Variants in CCDC40 observed in about 807,000 individuals in gnomAD.
The protein encoded by CCDC40 is coiled-coil domain-containing protein 40.
Under a neutral mutation model 124.5 loss-of-function variants are expected in CCDC40, and 104 were observed. That is an observed-to-expected ratio of 0.84 (90% CI 0.71 to 0.98). The LOEUF (loss-of-function observed/expected upper bound fraction) is 0.98. Ranked by LOEUF, CCDC40 falls within the 50% of genes least tolerant of loss-of-function variation. CCDC40 has a pLI of 0.00. For synonymous variants in CCDC40, 580 were observed against 602.9 expected (o/e 0.96, Z 0.56); for missense variants, 1,463 against 1,503.9 (o/e 0.97, Z 0.45).
chr17:80,044,902 G>A (rs1457276865), intron 3 of CCDC40, among the ~76,000 whole-genome samples: 2 of 152,050 alleles, frequency 1.3e-5, no homozygotes, highest in Non-Finnish European at 2.9e-5. Context: ...GCCCCTGAGC[G>A]AGCCTTGCTT....
At chr17:80,054,125 T>C (rs2037677482) in intron 7 of CCDC40, among the ~76,000 whole-genome samples, 1 of 148,764 alleles carries the variant, frequency 6.7e-6, no homozygotes. Flanking sequence ...ATGAAATAAA[T>C]AAAAAATGAA....
intron 10 of CCDC40, among the ~76,000 whole-genome samples, chr17:80,077,599 A>G (rs2038340256): frequency 6.6e-6 from 1 of 152,238 alleles, no homozygotes; most frequent in African/African-American, 2.4e-5. Context: ...CCAGCAATTT[A>G]TGAGAGTCCC....
intron 17 of CCDC40, 144 bp downstream of exon 17, chr17:80,090,028 T>A: frequency 2.6e-6 from 4 of 1,538,708 alleles, no homozygotes; most frequent in Non-Finnish European, 3.5e-6. Flanking sequence ...TGGGTGAGAT[T>A]TCCAGGGAGC....
At chr17:80,094,736 C>T (rs1395517358) in intron 17 of CCDC40, among the ~76,000 whole-genome samples, 2 of 152,076 alleles carry the variant, frequency 1.3e-5, no homozygotes, top group South Asian at 2.1e-4. Flanking sequence ...TTCTAACACG[C>T]GCACACATCT....
At chr17:80,089,528 CTGTTTCTT>C (rs2038658375) in intron 16 of CCDC40, 2 of 448,590 alleles carry the variant, frequency 4.5e-6, no homozygotes, top group Admixed American at 6.6e-5. Context: ...CTCTGTCTCT[CTGTTTCTT>C]CCCCACCCCC....
chr17:80,092,826 T>C (rs1327219385), intron 17 of CCDC40, among the ~76,000 whole-genome samples: 1 of 152,230 alleles, frequency 6.6e-6, no homozygotes, highest in African/African-American at 2.4e-5. Context: ...GAGGAGCCTC[T>C]GCCTAGCTGA....
At chr17:80,098,299 C>A (rs1323548327) in intron 19 of CCDC40, among the ~76,000 whole-genome samples, 1 of 152,230 alleles carries the variant, frequency 6.6e-6, no homozygotes, top group Admixed American at 6.5e-5. Flanking sequence ...TGACTTTGGA[C>A]TTTTCTCTTG....
At chr17:80,064,984 G>A (rs781125279) in intron 9 of CCDC40, among the ~76,000 whole-genome samples, 1 of 151,750 alleles carries the variant, frequency 6.6e-6, no homozygotes, top group African/African-American at 2.4e-5. Flanking sequence ...GGTGTTTCAC[G>A]GATGCTGGCC....
intron 9 of CCDC40, among the ~76,000 whole-genome samples, chr17:80,064,926 G>T (rs1055045454): frequency 6.6e-6 from 1 of 151,942 alleles, no homozygotes; most frequent in South Asian, 2.1e-4. Flanking sequence ...TGCTGGGCCC[G>T]TCCTGTGGGA....
chr17:80,090,601 A>G (rs2038707149), intron 17 of CCDC40: 1 of 1,482,232 alleles, frequency 6.7e-7, no homozygotes, highest in Non-Finnish European at 8.9e-7. Context: ...AACGTATCCC[A>G]CTGTGAGACA....
At chr17:80,065,869 G>A (rs1454267735) in intron 10 of CCDC40, among the ~76,000 whole-genome samples, 1 of 152,252 alleles carries the variant, frequency 6.6e-6, no homozygotes, top group Admixed American at 6.5e-5. Flanking sequence ...TAGAAACAGA[G>A]CAGGGTAAAG....
intron 10 of CCDC40, among the ~76,000 whole-genome samples, chr17:80,071,893 A>G (rs544096132): frequency 2.1e-5 from 3 of 144,608 alleles, no homozygotes; most frequent in South Asian, 2.2e-4. Context: ...CTGGAGTGCA[A>G]TGGTGCGATC....
chr17:80,040,919 AGGAAT>A lies in CCDC40; in HGVS notation c.552+653_552+657del, dbSNP rs372039831. 1.1e-4 allele frequency among the ~76,000 whole-genome samples: 17 copies of A among 152,294 alleles called. No individual in the cohort carries two copies. The East Asian group carries it at 2.5e-3, about 22-fold the overall frequency. On this transcript the variant is annotated intron_variant, in intron 3 of 19. Transcript: ENST00000397545. ...TCTCCAAATGTGACTAGCGAGCTGGAGGAATGGAGCTTTTAACTGTTTAAGATTCT... is the reference window on the plus strand; with the variant it reads ...TCTCCAAATGTGACTAGCGAGCTGGAGGAGCTTTTAACTGTTTAAGATTCT...
chr17:80,059,008 G>A, intron 9 of CCDC40, 28 bp downstream of exon 9: 8 of 1,614,154 alleles, frequency 5.0e-6, no homozygotes, highest in Non-Finnish European at 6.8e-6. Flanking sequence ...AGCTCTCAGT[G>A]TTCGACCCTC....
chr17:80,071,819 T>C (rs990743537), intron 10 of CCDC40, among the ~76,000 whole-genome samples: 2 of 143,500 alleles, frequency 1.4e-5, no homozygotes, highest in African/African-American at 5.2e-5. Flanking sequence ...AAGTGCATTT[T>C]GGGTTTTTCA....
chr17:80,083,518 G>A (rs556987758), intron 12 of CCDC40, among the ~76,000 whole-genome samples: 10 of 152,316 alleles, frequency 6.6e-5, no homozygotes, highest in South Asian at 2.1e-4. Flanking sequence ...GGCAGGAGCC[G>A]ACGGGCAGGG....
At chr17:80,099,277 C>T (rs1348083502) in intron 19 of CCDC40, among the ~76,000 whole-genome samples, 2 of 151,348 alleles carry the variant, frequency 1.3e-5, no homozygotes, top group Non-Finnish European at 2.9e-5. Flanking sequence ...GGCGACAGAG[C>T]AAGACTCCAT....
intron 10 of CCDC40, among the ~76,000 whole-genome samples, chr17:80,079,909 A>G (rs962706032): frequency 6.6e-5 from 10 of 151,626 alleles, no homozygotes; most frequent in Middle Eastern, 3.4e-3. Context: ...TGAGTGGCAG[A>G]GCGAGACTCT....
chr17:80,049,502 G>A (rs906362322), intron 5 of CCDC40, among the ~76,000 whole-genome samples: 1 of 152,094 alleles, frequency 6.6e-6, no homozygotes, highest in African/African-American at 2.4e-5. Flanking sequence ...GCACCAATTG[G>A]ATCGCAGCTC....
Sources: allele counts gnomAD v4.1 joint callset (sites outside exome capture counted in the v4.1 genomes callset), GRCh38; gene constraint gnomAD v4.1.1; transcripts MANE v1.5; gene names NCBI Gene and HGNC (gene_info 2026-07-23, HGNC 2026-07-21).